Variants in ABLIM2 observed in about 807,000 individuals in gnomAD.
ABLIM2 encodes the protein actin-binding LIM protein 2.
ABLIM2 carries 53 observed loss-of-function variants against 97.7 expected under a neutral mutation model. That is an observed-to-expected ratio of 0.54 (90% CI 0.44 to 0.68). The LOEUF (loss-of-function observed/expected upper bound fraction) is 0.68, where lower values mean the gene tolerates loss of function less well. Ranked by LOEUF, ABLIM2 falls within the 30% of genes least tolerant of loss-of-function variation. The pLI is 0.00. For synonymous variants in ABLIM2, 361 were observed against 345.8 expected, an observed-to-expected ratio of 1.04 and a Z score of -0.49; for missense variants, 835 against 867.2, an observed-to-expected ratio of 0.96 and a Z score of 0.47.
rs949580624 is a variant in ABLIM2, at chr4:8,120,464, G to A, written c.11-13827C>T. Reference sequence around the variant, plus strand: ...TGTGTGTTTTGTCGTGGCAGCATGGGAAACCAGAGGGAACCCAACATGAAG... The same window carrying A: ...TGTGTGTTTTGTCGTGGCAGCATGGAAAACCAGAGGGAACCCAACATGAAG... On this transcript the variant is annotated intron_variant, in intron 1 of 20. Coordinates refer to ENST00000447017, the MANE Select transcript of ABLIM2 (RefSeq NM_001130083.2). This position sits in a 1 kb window ranked among gnomAD's most constrained non-coding sequence, Gnocchi z 5.6. 7.9e-5 allele frequency among the ~76,000 whole-genome samples: 12 copies of A among 152,302 alleles called. No homozygotes were observed. The East Asian group carries it at 1.5e-3, about 20-fold the overall frequency.
chr4:8,058,288 C>T lies in ABLIM2; in HGVS notation c.763+2679G>A, dbSNP rs949940374. ...CCCAAAGGACCCTTTGACGGGCTCT[C>T]GAGCAGAGACTCAAGGAACAGGCGA... On this transcript the variant is annotated intron_variant, in intron 7 of 20. Coordinates refer to ENST00000447017, the MANE Select transcript of ABLIM2 (RefSeq NM_001130083.2). The surrounding 1 kb of genome is among the most constrained non-coding windows in gnomAD (Gnocchi z 4.2). Among the ~76,000 whole-genome samples the T allele has an allele frequency of 6.6e-5, 10 of 152,210 alleles. No homozygotes were observed. The highest frequency in any genetic ancestry group is 1.4e-4 in the African/African-American group (6 of 41,464).
intron 11 of ABLIM2, among the ~76,000 whole-genome samples, chr4:8,028,556 C>T (rs997980041): frequency 6.6e-6 from 1 of 152,198 alleles, no homozygotes; most frequent in African/African-American, 2.4e-5. Context: ...CTCACCAATT[C>T]ACTCATTCAC....
At chr4:8,152,678 C>G (rs1028102386) in intron 1 of ABLIM2, among the ~76,000 whole-genome samples, 1 of 152,208 alleles carries the variant, frequency 6.6e-6, no homozygotes, top group Non-Finnish European at 1.5e-5. Context: ...GTCCATCATG[C>G]GGGGATGACT....
intron 1 of ABLIM2, among the ~76,000 whole-genome samples, chr4:8,119,325 T>C (rs1185968262): frequency 1.7e-4 from 6 of 35,954 alleles, no homozygotes; most frequent in South Asian, 1.4e-3. Context: ...GGCTTCCTTC[T>C]TTTTTTTTTT....
intron 8 of ABLIM2, among the ~76,000 whole-genome samples, chr4:8,048,533 C>A (rs1794025526): frequency 6.6e-6 from 1 of 152,146 alleles, no homozygotes; most frequent in African/African-American, 2.4e-5. Flanking sequence ...GGTCACACAG[C>A]TGGGAGGAGG....
Position 8,106,628 on chromosome 4 carries a change from G to A in ABLIM2, c.20C>T (p.Pro7Leu), listed in dbSNP as rs757161266. The change falls in exon 2 of 21, where the codon CCC (proline) becomes CTC (leucine). Residue 7 changes from proline (P) to leucine (L), a missense_variant. By Grantham distance (98) the Pro-to-Leu change is moderately conservative. Coordinates refer to ENST00000447017, the MANE Select transcript of ABLIM2 (RefSeq NM_001130083.2). MSAVSQPQAAPSPLEKS... is the reference protein window; with the variant it reads MSAVSQLQAAPSPLEKS... Reference sequence around the variant, plus strand: ...CTCCAGCGGGCTGGGAGCAGCCTGGGGCTGCGACACTGTTGGGAAAGAGAG... The same window carrying A: ...CTCCAGCGGGCTGGGAGCAGCCTGGAGCTGCGACACTGTTGGGAAAGAGAG... 6.2e-7 allele frequency: 1 copy of A among 1,608,678 alleles called. No homozygotes were observed. Among genetic ancestry groups the A allele is most frequent in the Non-Finnish European group, 8.5e-7 (1 of 1,177,428 alleles).
At chr4:8,009,349 A>G (rs1401253096) in intron 14 of ABLIM2, among the ~76,000 whole-genome samples, 1 of 152,216 alleles carries the variant, frequency 6.6e-6, no homozygotes, top group Non-Finnish European at 1.5e-5. Context: ...CCAAACACCC[A>G]CACAGAGTAA....
chr4:8,118,742 G>A (rs1178061996), intron 1 of ABLIM2, among the ~76,000 whole-genome samples: 4 of 152,216 alleles, frequency 2.6e-5, no homozygotes, highest in African/African-American at 4.8e-5. Flanking sequence ...TTCCTGCTCC[G>A]GGGAGCACTG....
At chr4:8,016,189 A>G (rs748417150) in intron 14 of ABLIM2, among the ~76,000 whole-genome samples, 16 of 151,930 alleles carry the variant, frequency 1.1e-4, no homozygotes, top group Admixed American at 2.0e-4. Context: ...GATTACAGGC[A>G]TGCACCACCA....
intron 7 of ABLIM2, among the ~76,000 whole-genome samples, chr4:8,057,079 CCTTTT>C (rs953204515): frequency 2.7e-5 from 4 of 147,556 alleles, no homozygotes; most frequent in South Asian, 2.2e-4. Context: ...TTTTTTCTTT[CCTTTT>C]CTTTTCTTTC....
At chr4:7,990,763 C>T (rs1473936987) in intron 17 of ABLIM2, among the ~76,000 whole-genome samples, 2 of 152,130 alleles carry the variant, frequency 1.3e-5, no homozygotes, top group African/African-American at 4.8e-5. Flanking sequence ...GCAGGGCCGC[C>T]CTGAAAAAGG....
At chr4:8,158,577 A>G in intron 1 of ABLIM2, 103 bp downstream of exon 1, 1 of 1,388,296 alleles carries the variant, frequency 7.2e-7, no homozygotes, top group Non-Finnish European at 9.6e-7. Context: ...CCGCTGGGTG[A>G]TTTTCCCCGG....
chr4:8,029,880 G>A, intron 10 of ABLIM2, 104 bp from the exon 11 acceptor site: 1 of 1,430,472 alleles, frequency 7.0e-7, no homozygotes, highest in Non-Finnish European at 9.4e-7. Context: ...CCTGACCCAA[G>A]TGGATGACTC....
chr4:7,966,918 G>A lies in ABLIM2; in HGVS notation c.*72C>T. ...AGCCAGAGCAAGGTGTGTGGGAGGGGTGTGTGCGGTTCTCGCCAGGGGCCC... is the reference window on the plus strand; with the variant it reads ...AGCCAGAGCAAGGTGTGTGGGAGGGATGTGTGCGGTTCTCGCCAGGGGCCC... On this transcript the variant is annotated 3_prime_UTR_variant, in exon 21 of 21. Coordinates refer to ENST00000447017, the MANE Select transcript of ABLIM2 (RefSeq NM_001130083.2). The A allele has an allele frequency of 2.1e-6, 2 of 932,816 alleles. No individual in the cohort carries two copies. Among genetic ancestry groups the A allele is most frequent in the South Asian group, 1.4e-5 (1 of 72,176 alleles). 57.8% of individuals were successfully genotyped at this position (932,816 alleles called of 1,614,324 possible). A position where few individuals can be genotyped will look rare whatever the true frequency, so the allele number is the denominator to read the frequency against.
intron 20 of ABLIM2, among the ~76,000 whole-genome samples, chr4:7,976,506 C>G (rs1404097106): frequency 1.3e-5 from 2 of 152,170 alleles, no homozygotes; most frequent in Admixed American, 1.3e-4. Context: ...TAACACAATC[C>G]AGGGCCCTGC....
chr4:8,115,681 A>C (rs1842483226), intron 1 of ABLIM2, among the ~76,000 whole-genome samples: 1 of 152,150 alleles, frequency 6.6e-6, no homozygotes, highest in Non-Finnish European at 1.5e-5. Context: ...TGACGATCAC[A>C]ACAACCGTTC....
chr4:8,020,435 C>G, intron 12 of ABLIM2, 132 bp from the exon 13 acceptor site: 4 of 819,788 alleles, frequency 4.9e-6, no homozygotes, highest in Non-Finnish European at 8.1e-6. Context: ...AGATCCCCTG[C>G]CCAGGGGAAG....
In ABLIM2 at chr4:8,075,654, C is replaced by T. The variant is rs111556761; in HGVS notation, c.675+1974G>A. ...CTGCAGTGAGCTGTGATGACACCACCGCACTCCAGCCTGGGCAACTGAGTG... is the reference window on the plus strand; with the variant it reads ...CTGCAGTGAGCTGTGATGACACCACTGCACTCCAGCCTGGGCAACTGAGTG... On this transcript the variant is annotated intron_variant, in intron 6 of 20. Transcript: ENST00000447017. This position sits in a 1 kb window ranked among gnomAD's most constrained non-coding sequence, Gnocchi z 4.4. 3.6e-4 allele frequency among the ~76,000 whole-genome samples: 55 copies of T among 151,930 alleles called. No homozygotes were observed. Among genetic ancestry groups the T allele is most frequent in the Admixed American group, 1.0e-3 (16 of 15,264 alleles).
intron 17 of ABLIM2, among the ~76,000 whole-genome samples, chr4:7,991,346 T>C (rs1748559286): frequency 6.6e-6 from 1 of 152,126 alleles, no homozygotes; most frequent in Non-Finnish European, 1.5e-5. Flanking sequence ...TTTCCTTCTA[T>C]ATATTGAGGA....
Sources: allele counts gnomAD v4.1 joint callset (sites outside exome capture counted in the v4.1 genomes callset), GRCh38; gene constraint gnomAD v4.1.1; non-coding constraint Gnocchi (gnomAD v3.1); transcripts MANE v1.5; gene names NCBI Gene and HGNC (gene_info 2026-07-23, HGNC 2026-07-21).